The following MND1 variants were observed in gnomAD, a reference collection of about 807,000 sequenced individuals.
The protein encoded by MND1 is meiotic nuclear division protein 1 homolog.
A neutral mutation model predicts 35.1 loss-of-function variants in MND1; 28 were observed. The observed-to-expected ratio is 0.80, with a 90% CI of 0.59 to 1.09. The LOEUF is 1.09. MND1 is among the 50% of genes least tolerant of loss of function. The pLI, the probability that MND1 is intolerant of heterozygous loss-of-function variation, is 0.00. For missense variants in MND1, 213 were observed against 239.6 expected, an observed-to-expected ratio of 0.89 and a Z score of 0.73; for synonymous variants, 69 against 70.5, an observed-to-expected ratio of 0.98 and a Z score of 0.11.
At chr4:153,394,451 C>T (rs1442414763) in intron 5 of MND1, 115 bp downstream of exon 5, 1 of 728,914 alleles carries the variant, frequency 1.4e-6, no homozygotes, top group African/African-American at 1.8e-5. Flanking sequence ...GGGATCATAG[C>T]CAAGGATAGG....
chr4:153,391,060 A>AT (rs145023235), intron 4 of MND1, among the ~76,000 whole-genome samples: 4 of 151,964 alleles, frequency 2.6e-5, no homozygotes, highest in Non-Finnish European at 4.4e-5. Flanking sequence ...TAAAATATGT[A>AT]TTTTTTTAAT....
At chr4:153,372,797 T>C (rs1405152933) in intron 4 of MND1, among the ~76,000 whole-genome samples, 1 of 152,234 alleles carries the variant, frequency 6.6e-6, no homozygotes, top group Non-Finnish European at 1.5e-5. Flanking sequence ...TATGTATTCA[T>C]TCATTTCTGT....
intron 7 of MND1, among the ~76,000 whole-genome samples, chr4:153,413,761 A>T (rs528011776): frequency 3.4e-4 from 52 of 151,846 alleles, no homozygotes; most frequent in African/African-American, 1.2e-3. Flanking sequence ...GCACACTGTC[A>T]CGGTCCTGCC....
intron 6 of MND1, among the ~76,000 whole-genome samples, chr4:153,405,754 A>G (rs1019962807): frequency 1.3e-5 from 2 of 152,176 alleles, no homozygotes; most frequent in Admixed American, 6.5e-5. Flanking sequence ...CAAATGGATC[A>G]AAGACCTACA....
At chr4:153,390,097 A>G (rs115585405) in intron 4 of MND1, among the ~76,000 whole-genome samples, 2,732 of 151,954 alleles carry the variant, frequency 0.018, 38 homozygotes, top group Admixed American at 0.025. Context: ...TATGGCGACT[A>G]GAAATCTCAG....
At chr4:153,414,013 C>A (rs1274564872) in intron 7 of MND1, among the ~76,000 whole-genome samples, 6 of 152,060 alleles carry the variant, frequency 3.9e-5, no homozygotes, top group African/African-American at 1.4e-4. Flanking sequence ...CTGCTCCCCA[C>A]CCCCTCTCCC....
chr4:153,366,129 A>G (rs186364957), intron 4 of MND1, among the ~76,000 whole-genome samples: 11 of 152,170 alleles, frequency 7.2e-5, no homozygotes, highest in Admixed American at 7.2e-4. Flanking sequence ...TTGCTGCATC[A>G]CTCTAATTTC....
intron 2 of MND1, among the ~76,000 whole-genome samples, chr4:153,354,288 G>GTA (rs1001062061): frequency 1.3e-5 from 2 of 152,088 alleles, no homozygotes; most frequent in African/African-American, 4.8e-5. Context: ...TATTGTTTAG[G>GTA]TATAGCTCTT....
chr4:153,358,574 T>G lies in MND1; in HGVS notation c.228T>G (p.Ser76Arg), dbSNP rs1773402767. The part of the protein sequence containing the change: ...GTSNYYWAFP[S>R]KALHARKHKL... ...CTAATTATTATTGGGCTTTTCCAAG[T>G]AAAGCTCTTCATGCAAGGAAACATA... Residue 76 changes from serine (S) to arginine (R), a missense_variant, in exon 4 of 8, where the codon AGT becomes AGG. Transcript: ENST00000240488. The G allele has an allele frequency of 1.9e-6, 3 of 1,613,634 alleles. No individual in the cohort carries two copies. The highest frequency in any genetic ancestry group is 1.1e-5 in the South Asian group (1 of 90,996).
intron 4 of MND1, among the ~76,000 whole-genome samples, chr4:153,365,171 G>A (rs1773596953): frequency 6.6e-6 from 1 of 151,984 alleles, no homozygotes; most frequent in African/African-American, 2.4e-5. Context: ...GGCTAAGCCT[G>A]GGTCACGTGT....
intron 4 of MND1, among the ~76,000 whole-genome samples, chr4:153,365,326 A>G (rs758873457): frequency 1.3e-5 from 2 of 152,202 alleles, no homozygotes; most frequent in Non-Finnish European, 2.9e-5. Flanking sequence ...CCTTGCTCCC[A>G]TGATAGATAA....
chr4:153,374,534 T>C (rs1728442616), intron 4 of MND1, among the ~76,000 whole-genome samples: 2 of 152,258 alleles, frequency 1.3e-5, no homozygotes, highest in African/African-American at 4.8e-5. Context: ...AAACTTAAGG[T>C]TATAGTAAAG....
chr4:153,398,377 G>T (rs76894375), intron 6 of MND1, among the ~76,000 whole-genome samples: 2,584 of 152,282 alleles, frequency 0.017, 52 homozygotes, highest in East Asian at 0.076. Context: ...AAAATATTTG[G>T]TATGTTAAAA....
At chr4:153,364,049 C>A (rs373932527) in intron 4 of MND1, among the ~76,000 whole-genome samples, 73 of 151,338 alleles carry the variant, frequency 4.8e-4, no homozygotes, top group African/African-American at 1.7e-3. Flanking sequence ...GCCTGGGCAA[C>A]ACAGCAAGAT....
intron 4 of MND1, among the ~76,000 whole-genome samples, chr4:153,376,548 A>G (rs1728515789): frequency 6.6e-6 from 1 of 152,158 alleles, no homozygotes; most frequent in Non-Finnish European, 1.5e-5. Context: ...TGTGATGTGC[A>G]CACAGCCAGG....
At chr4:153,374,229 C>T (rs994644865) in intron 4 of MND1, among the ~76,000 whole-genome samples, 1 of 152,062 alleles carries the variant, frequency 6.6e-6, no homozygotes, top group Non-Finnish European at 1.5e-5. Context: ...GAATAAATAC[C>T]GTAAGCTTTT....
At chr4:153,365,224 G>C (rs1773599327) in intron 4 of MND1, among the ~76,000 whole-genome samples, 1 of 152,180 alleles carries the variant, frequency 6.6e-6, no homozygotes, top group Non-Finnish European at 1.5e-5. Context: ...TAAATAATTG[G>C]GGTTTCTAGA....
intron 4 of MND1, among the ~76,000 whole-genome samples, chr4:153,380,979 A>C (rs1579927654): frequency 1.3e-5 from 2 of 151,796 alleles, no homozygotes; most frequent in African/African-American, 4.8e-5. Flanking sequence ...GGCTCACTGC[A>C]AGCTCCGCCT....
intron 4 of MND1, among the ~76,000 whole-genome samples, chr4:153,367,884 T>C (rs2149638779): frequency 6.6e-6 from 1 of 152,360 alleles, no homozygotes; most frequent in East Asian, 1.9e-4. Context: ...CTTGTGGGTA[T>C]GAAGTGGTAT....
Sources: allele counts gnomAD v4.1 joint callset (sites outside exome capture counted in the v4.1 genomes callset), GRCh38; gene constraint gnomAD v4.1.1; transcripts MANE v1.5; gene names NCBI Gene and HGNC (gene_info 2026-07-23, HGNC 2026-07-21).